The following UNC5D variants were observed in gnomAD, a reference collection of about 807,000 sequenced individuals.
UNC5D encodes the protein unc-5 netrin receptor D, also known as netrin receptor UNC5D.
UNC5D carries 39 observed loss-of-function variants against 105.4 expected under a neutral mutation model. The ratio of observed to expected loss-of-function variants is 0.37; its 90% confidence interval spans 0.29 to 0.48. UNC5D has a LOEUF of 0.48. Among genes scored for constraint, UNC5D ranks in the 20% least tolerant of loss-of-function variants. The pLI, the probability that UNC5D is intolerant of heterozygous loss-of-function variation, is 0.98. For missense variants in UNC5D, 991 were observed against 1,202.4 expected, an observed-to-expected ratio of 0.82 and a Z score of 2.60; for synonymous variants, 452 against 450.4, an observed-to-expected ratio of 1.00 and a Z score of -0.04.
chr8:35,654,037 A>G (rs1451296006), intron 4 of UNC5D, among the ~76,000 whole-genome samples: 1 of 152,076 alleles, frequency 6.6e-6, no homozygotes, highest in Non-Finnish European at 1.5e-5. Flanking sequence ...TTTTCTGGAG[A>G]GAATTTGTAA....
At chr8:35,357,060 G>C (rs929536739) in intron 1 of UNC5D, among the ~76,000 whole-genome samples, 7 of 152,052 alleles carry the variant, frequency 4.6e-5, no homozygotes, top group Non-Finnish European at 8.8e-5. Flanking sequence ...ACAGATGAGG[G>C]GGGCTACTGT....
chr8:35,329,762 T>C (rs982434302), intron 1 of UNC5D, among the ~76,000 whole-genome samples: 2 of 152,172 alleles, frequency 1.3e-5, no homozygotes, highest in Non-Finnish European at 2.9e-5. Flanking sequence ...CTTCACCCCC[T>C]TCCTTGCCCT....
chr8:35,537,943 T>C (rs1814959269), intron 1 of UNC5D, among the ~76,000 whole-genome samples: 1 of 152,088 alleles, frequency 6.6e-6, no homozygotes, highest in Non-Finnish European at 1.5e-5. Flanking sequence ...ATTGGTAATA[T>C]AAATAATGAA....
intron 1 of UNC5D, among the ~76,000 whole-genome samples, chr8:35,323,572 G>A (rs1360793614): frequency 1.3e-5 from 2 of 152,142 alleles, no homozygotes; most frequent in Non-Finnish European, 2.9e-5. Flanking sequence ...ATAGGCAATA[G>A]AAATATTGCT....
intron 3 of UNC5D, among the ~76,000 whole-genome samples, chr8:35,569,320 G>A (rs1430947819): frequency 6.6e-6 from 1 of 152,192 alleles, no homozygotes; most frequent in African/African-American, 2.4e-5. Flanking sequence ...TTGGGAGATA[G>A]GGGAAGAGAT....
intron 1 of UNC5D, among the ~76,000 whole-genome samples, chr8:35,408,895 A>G (rs1333979777): frequency 6.6e-6 from 1 of 152,140 alleles, no homozygotes; most frequent in Non-Finnish European, 1.5e-5. Context: ...CATTCAAGAT[A>G]CAGAGTAATT....
chr8:35,309,945 G>A (rs2128877765), intron 1 of UNC5D, among the ~76,000 whole-genome samples: 1 of 152,254 alleles, frequency 6.6e-6, no homozygotes, highest in East Asian at 1.9e-4. Flanking sequence ...TTTAAATTTA[G>A]TGATAGTTTT....
At position 35,525,693 on chromosome 8, in the gene UNC5D, C is replaced by T. The variant is rs1001318995; in HGVS notation, c.104-23599C>T. 15 of 1,605,604 alleles carry T rather than the reference C, an allele frequency of 9.3e-6. No individual in the cohort carries two copies. The Admixed American group carries it at 1.0e-4, about 11-fold the overall frequency. On this transcript the variant is annotated intron_variant, in intron 1 of 16. Transcript: ENST00000404895. ...AAAGGCTACCACCTCGCCCTGCAGC[C>T]GCTGCTCCTGGCACGTCCGGCACGA... is the stretch of plus-strand genomic sequence containing the variant.
At chr8:35,713,841 T>A (rs998690790) in intron 8 of UNC5D, among the ~76,000 whole-genome samples, 1 of 152,054 alleles carries the variant, frequency 6.6e-6, no homozygotes, top group African/African-American at 2.4e-5. Flanking sequence ...AAATAAGTAG[T>A]CAGGTTTGAC....
At chr8:35,361,609 T>G (rs10113220) in intron 1 of UNC5D, among the ~76,000 whole-genome samples, 80,797 of 151,860 alleles carry the variant, frequency 0.53, 22,244 homozygotes, top group East Asian at 0.7. Flanking sequence ...TAATGGAAAT[T>G]CACAGATGCA....
intron 4 of UNC5D, among the ~76,000 whole-genome samples, chr8:35,667,718 G>A (rs957079414): frequency 1.3e-5 from 2 of 152,180 alleles, no homozygotes; most frequent in African/African-American, 4.8e-5. Context: ...TAACAGAACA[G>A]TTTGTTGATC....
rs538673372 is a variant in UNC5D, at chr8:35,283,159, A to T, written c.103+47272A>T. Among the ~76,000 whole-genome samples the T allele has an allele frequency of 3.4e-3, 525 of 152,318 alleles. 6 individuals carry two copies. Among genetic ancestry groups the T allele is most frequent in the African/African-American group, 0.012 (510 of 41,566 alleles). On this transcript the variant is annotated intron_variant, in intron 1 of 16. Coordinates refer to ENST00000404895, the MANE Select transcript of UNC5D (RefSeq NM_080872.4). ...AAGAAAATTAAAGCAAAACTATGTC[A>T]TGTACAAAGGAGAACAATTTTTAAT... is the stretch of plus-strand genomic sequence containing the variant.
At chr8:35,359,755 A>T (rs555937555) in intron 1 of UNC5D, among the ~76,000 whole-genome samples, 2 of 152,186 alleles carry the variant, frequency 1.3e-5, no homozygotes, top group Non-Finnish European at 2.9e-5. Flanking sequence ...CATTTTTTAT[A>T]TGAGGATTCA....
intron 1 of UNC5D, among the ~76,000 whole-genome samples, chr8:35,260,090 C>T (rs1395603970): frequency 6.6e-6 from 1 of 152,110 alleles, no homozygotes; most frequent in Non-Finnish European, 1.5e-5. Context: ...ATGAAATCAA[C>T]GCACCATCAG....
chr8:35,372,322 G>T (rs574790644), intron 1 of UNC5D, among the ~76,000 whole-genome samples: 7 of 152,030 alleles, frequency 4.6e-5, no homozygotes, highest in African/African-American at 1.4e-4. Flanking sequence ...ACAGGGTTTT[G>T]CCATGTGCCC....
chr8:35,279,882 A>G (rs1463123740), intron 1 of UNC5D, among the ~76,000 whole-genome samples: 1 of 152,260 alleles, frequency 6.6e-6, no homozygotes, highest in Non-Finnish European at 1.5e-5. Flanking sequence ...TGTATAATCA[A>G]GAAAACTTCA....
At chr8:35,382,505 G>A (rs1469448265) in intron 1 of UNC5D, among the ~76,000 whole-genome samples, 1 of 152,050 alleles carries the variant, frequency 6.6e-6, no homozygotes, top group Non-Finnish European at 1.5e-5. Context: ...TCTTTTGCTG[G>A]TTTGGGATTT....
intron 1 of UNC5D, among the ~76,000 whole-genome samples, chr8:35,509,054 A>G (rs1348560508): frequency 3.3e-5 from 5 of 152,126 alleles, no homozygotes; most frequent in Admixed American, 3.3e-4. Flanking sequence ...AACTTAATAG[A>G]TAAGGAGGAG....
At chr8:35,568,301 G>A in intron 3 of UNC5D, 60 bp downstream of exon 3, 1 of 1,575,890 alleles carries the variant, frequency 6.3e-7, no homozygotes, top group East Asian at 2.3e-5. Flanking sequence ...AAATAGAGCT[G>A]AAGAGAGGTT....
Sources: gnomAD v4.1 joint callset for allele counts (sites outside exome capture counted in the v4.1 genomes callset) on GRCh38, gnomAD v4.1.1 for gene constraint, MANE v1.5 for transcripts, NCBI Gene and HGNC (gene_info 2026-07-23, HGNC 2026-07-21) for gene names.